AKAP19: variants seen among roughly 807,000 people sequenced by gnomAD.
AKAP19 encodes the protein A-kinase anchoring protein 19.
chr2:189,923,161 A>C, the AKAP19 span, among the ~76,000 whole-genome samples: 1 of 152,176 alleles, frequency 6.6e-6, no homozygotes, highest in African/African-American at 2.4e-5. Flanking sequence ...TAAAAAAATA[A>C]ATAAATAGGC....
the AKAP19 span, among the ~76,000 whole-genome samples, chr2:189,964,396 C>T: frequency 2.6e-5 from 4 of 152,278 alleles, no homozygotes; most frequent in East Asian, 1.9e-4. Context: ...GAATGGTAAA[C>T]GAGCATTGGC....
chr2:189,970,344 A>G, the AKAP19 span, among the ~76,000 whole-genome samples: 4 of 152,132 alleles, frequency 2.6e-5, no homozygotes, highest in Non-Finnish European at 4.4e-5. Flanking sequence ...TTCCCTTTCA[A>G]TCACTTCTCT....
At chr2:190,079,037 A>G in the AKAP19 span, among the ~76,000 whole-genome samples, 2 of 152,194 alleles carry the variant, frequency 1.3e-5, no homozygotes, top group African/African-American at 4.8e-5. Context: ...TGCTTTTTCC[A>G]TAGATATTTC....
the AKAP19 span, among the ~76,000 whole-genome samples, chr2:189,957,163 G>A: frequency 6.6e-6 from 1 of 152,084 alleles, no homozygotes; most frequent in Non-Finnish European, 1.5e-5. Context: ...AACAGAGGGG[G>A]ACTCCATCTC....
the AKAP19 span, among the ~76,000 whole-genome samples, chr2:190,185,409 G>A: frequency 6.6e-6 from 1 of 152,078 alleles, no homozygotes; most frequent in African/African-American, 2.4e-5. Context: ...TAGAATTTGG[G>A]GCTTATCTAC....
chr2:190,189,673 T>C, the AKAP19 span: 2 of 151,978 alleles, frequency 1.3e-5, no homozygotes, highest in Non-Finnish European at 2.9e-5. Context: ...TCCCTCTCTC[T>C]ACTCTACCCT....
the AKAP19 span, among the ~76,000 whole-genome samples, chr2:189,920,756 G>A: frequency 1.3e-5 from 2 of 152,148 alleles, no homozygotes; most frequent in Non-Finnish European, 2.9e-5. Context: ...GAGAAAGAAG[G>A]AATGGAAGAA....
At chr2:190,054,678 GAC>G in the AKAP19 span, among the ~76,000 whole-genome samples, 1 of 152,162 alleles carries the variant, frequency 6.6e-6, no homozygotes, top group Admixed American at 6.5e-5. Flanking sequence ...GATATGAACA[GAC>G]ACTTCTCAAA....
the AKAP19 span, among the ~76,000 whole-genome samples, chr2:189,970,395 A>G: frequency 6.6e-5 from 10 of 152,118 alleles, no homozygotes; most frequent in South Asian, 1.9e-3. Flanking sequence ...TATCATTCCC[A>G]TATTTTTAGA....
chr2:190,161,192 T>G, the AKAP19 span, among the ~76,000 whole-genome samples: 1 of 152,128 alleles, frequency 6.6e-6, no homozygotes, highest in Non-Finnish European at 1.5e-5. Flanking sequence ...TGCTGGTGCT[T>G]GAAGAGAGAC....
chr2:189,925,181 C>T, the AKAP19 span, among the ~76,000 whole-genome samples: 1 of 152,116 alleles, frequency 6.6e-6, no homozygotes, highest in South Asian at 2.1e-4. Flanking sequence ...ATGAACATGT[C>T]CAACTGGATG....
chr2:190,060,121 A>C, the AKAP19 span: 2 of 1,612,774 alleles, frequency 1.2e-6, no homozygotes, highest in Admixed American at 3.3e-5. Context: ...TTCTCATCTA[A>C]AGCTTTTATT....
chr2:189,937,090 A>T, the AKAP19 span, among the ~76,000 whole-genome samples: 1 of 152,198 alleles, frequency 6.6e-6, no homozygotes, highest in Middle Eastern at 3.2e-3. Context: ...AGCTATGATC[A>T]TGCGACTGTA....
the AKAP19 span, among the ~76,000 whole-genome samples, chr2:190,157,123 C>T: frequency 6.6e-6 from 1 of 152,114 alleles, no homozygotes; most frequent in African/African-American, 2.4e-5. Context: ...TTTTGATCCT[C>T]ACCACAACCT....
At chr2:190,197,469 C>A in the AKAP19 span, among the ~76,000 whole-genome samples, 47,093 of 152,010 alleles carry the variant, frequency 0.31, 8,401 homozygotes, top group East Asian at 0.47. The surrounding 1 kb of genome is among the most constrained non-coding windows in gnomAD (Gnocchi z 4.0). Context: ...AGTACCCTTG[C>A]CAAGTCTCAT....
chr2:190,115,301 A>ATATATCT, the AKAP19 span, among the ~76,000 whole-genome samples: 1 of 5,820 alleles, frequency 1.7e-4, no homozygotes, highest in Non-Finnish European at 2.9e-4. Flanking sequence ...ATATATATAT[A>ATATATCT]TTTTTTTTTT....
chr2:189,977,348 T>C, the AKAP19 span, among the ~76,000 whole-genome samples: 1 of 152,214 alleles, frequency 6.6e-6, no homozygotes, highest in Non-Finnish European at 1.5e-5. Flanking sequence ...TTTTTCTTTT[T>C]CATCTTATGG....
the AKAP19 span, among the ~76,000 whole-genome samples, chr2:189,923,006 C>T: frequency 6.6e-6 from 1 of 152,026 alleles, no homozygotes; most frequent in Admixed American, 6.6e-5. Context: ...AAAAAATTAG[C>T]CGGGTATGGC....
the AKAP19 span, among the ~76,000 whole-genome samples, chr2:190,152,041 T>G: frequency 6.6e-6 from 1 of 150,404 alleles, no homozygotes; most frequent in Non-Finnish European, 1.5e-5. Context: ...AGAGAGGTCT[T>G]GGCCAGGCTC....
Sources: allele counts gnomAD v4.1 joint callset (sites outside exome capture counted in the v4.1 genomes callset), GRCh38; gene constraint gnomAD v4.1.1; non-coding constraint Gnocchi (gnomAD v3.1); transcripts MANE v1.5; gene names NCBI Gene and HGNC (gene_info 2026-07-23, HGNC 2026-07-21).